The following ATG4B variants were observed in gnomAD, a reference collection of about 807,000 sequenced individuals.
ATG4B encodes cysteine protease ATG4B.
ATG4B carries 29 observed loss-of-function variants against 56.6 expected under a neutral mutation model. That is an observed-to-expected ratio of 0.51 (90% CI 0.38 to 0.70). The LOEUF (loss-of-function observed/expected upper bound fraction) is 0.70, where lower values mean the gene tolerates loss of function less well. Ranked by LOEUF, ATG4B falls within the 30% of genes least tolerant of loss-of-function variation. ATG4B has a pLI of 0.00. For synonymous variants in ATG4B, 224 were observed against 206.1 expected, an observed-to-expected ratio of 1.09 and a Z score of -0.74; for missense variants, 461 against 515.5, an observed-to-expected ratio of 0.89 and a Z score of 1.02.
chr2:241,654,168 A>G lies in ATG4B; in HGVS notation c.284-378A>G, dbSNP rs990154417. On this transcript the variant is annotated intron_variant, in intron 4 of 12. Transcript: ENST00000404914. ...CTGGGTGTGGTGGCTCACGCCTGTA[A>G]TCCCAGCACTTTGGGATGCCGAGGC... Among the ~76,000 whole-genome samples, 4 of 152,108 alleles carry G rather than the reference A, an allele frequency of 2.6e-5. No individual in the cohort carries two copies. The South Asian group carries it at 6.2e-4, about 24-fold the overall frequency.
chr2:241,647,574 C>T (rs1169217173), intron 1 of ATG4B, among the ~76,000 whole-genome samples: 1 of 141,536 alleles, frequency 7.1e-6, no homozygotes, highest in South Asian at 2.2e-4. Flanking sequence ...GAGCCGAGAT[C>T]GCGCTACTGC....
At chr2:241,643,542 C>G (rs1231941701) in intron 1 of ATG4B, among the ~76,000 whole-genome samples, 1 of 149,686 alleles carries the variant, frequency 6.7e-6, no homozygotes, top group Non-Finnish European at 1.5e-5. Flanking sequence ...ATATCATTAC[C>G]TGGAAGTCTA....
Position 241,673,344 on chromosome 2 carries a change from C to T in ATG4B, c.*1080C>T, listed in dbSNP as rs2069044110. On this transcript the variant is annotated 3_prime_UTR_variant, in exon 13 of 13. Transcript: ENST00000404914. ...TCCCAGAGTGCACTCTGCCCCGCTG[C>T]TCTGCTGCCTGTCCTGGGAAAGTAT... The T allele has an allele frequency of 8.4e-6, 3 of 357,916 alleles. No homozygotes were observed. The highest frequency in any genetic ancestry group is 7.4e-5 in the East Asian group (1 of 13,590). The allele number at this position is 357,916 out of a possible 1,614,324, so 22.2% of individuals were successfully genotyped here.
At chr2:241,666,883 C>T in intron 8 of ATG4B, 45 bp downstream of exon 8, 2 of 1,522,936 alleles carry the variant, frequency 1.3e-6, no homozygotes, top group Non-Finnish European at 1.8e-6. Context: ...CCGTCCCCTT[C>T]TCCCAGTTCT....
chr2:241,654,114 A>G (rs913245669), intron 4 of ATG4B, among the ~76,000 whole-genome samples: 4 of 152,032 alleles, frequency 2.6e-5, no homozygotes, highest in South Asian at 4.1e-4. Flanking sequence ...CCTGGAGAAC[A>G]TGGGTTTTTA....
chr2:241,649,784 C>CTT (rs111624909), intron 1 of ATG4B, among the ~76,000 whole-genome samples: 394 of 137,486 alleles, frequency 2.9e-3, no homozygotes, highest in African/African-American at 8.4e-3. Flanking sequence ...TTTTCTTTTT[C>CTT]TTTTTTTTTT....
In ATG4B at chr2:241,668,701, C is replaced by G. The variant is rs971526131; in HGVS notation, c.957+16C>G. 7 of 1,562,012 alleles carry G rather than the reference C, an allele frequency of 4.5e-6. No homozygotes were observed. In the Admixed American group the frequency reaches 1.3e-4, roughly 30 times the overall value. ...CATCGCTGTGGTACGTGGCGGCCAC[C>G]TGAGCACACAGGCATTTGGTGCTGA... On this transcript the variant is annotated intron_variant, in intron 10 of 12. Coordinates refer to ENST00000404914, the MANE Select transcript of ATG4B (RefSeq NM_013325.5). This position sits in a 1 kb window ranked among gnomAD's most constrained non-coding sequence, Gnocchi z 4.2.
intron 7 of ATG4B, among the ~76,000 whole-genome samples, chr2:241,664,792 C>T (rs561109524): frequency 3.3e-5 from 5 of 152,062 alleles, no homozygotes; most frequent in African/African-American, 4.8e-5. Flanking sequence ...GGCAAAACCC[C>T]GTCTCTACTA....
chr2:241,669,123 C>T (rs543360661), intron 10 of ATG4B, among the ~76,000 whole-genome samples: 8 of 152,090 alleles, frequency 5.3e-5, no homozygotes, highest in East Asian at 1.9e-4. Context: ...TTTTGTTTTC[C>T]GGAGGCTCTG....
At chr2:241,644,314 GCTTGGGTGACAGAGCCAGACC>G (rs1335671519) in intron 1 of ATG4B, among the ~76,000 whole-genome samples, 3 of 152,144 alleles carry the variant, frequency 2.0e-5, no homozygotes, top group Non-Finnish European at 2.9e-5. Flanking sequence ...CTGCACTCCA[GCTTGGGTGACAGAGCCAGACC>G]CTTGGGTGAC....
rs1011177034 is a variant in ATG4B at position 241,651,599 on chromosome 2, C to A, written c.184+264C>A. Among the ~76,000 whole-genome samples the A allele has an allele frequency of 6.6e-6, 1 of 152,184 alleles. No individual in the cohort carries two copies. Among genetic ancestry groups the A allele is most frequent in the Non-Finnish European group, 1.5e-5 (1 of 68,042 alleles). On this transcript the variant is annotated intron_variant, in intron 3 of 12. Transcript: ENST00000404914. The surrounding 1 kb of genome is among the most constrained non-coding windows in gnomAD (Gnocchi z 4.1). Reference sequence around the variant, plus strand: ...AATCAGTATCATGAGTTATGACCAACGTTGTTTTAAATGTAGGACAGAATG... The same window carrying A: ...AATCAGTATCATGAGTTATGACCAAAGTTGTTTTAAATGTAGGACAGAATG...
rs11538897 is a variant in ATG4B at position 241,666,745 on chromosome 2, C to T, written c.639C>T (p.Thr213=). 6.2e-7 allele frequency: 1 copy of T among 1,609,130 alleles called. No homozygotes were observed. Among genetic ancestry groups the T allele is most frequent in the Non-Finnish European group, 8.5e-7 (1 of 1,177,802 alleles). The change falls in exon 8 of 13, where the codon ACC becomes ACT. Residue 213 remains threonine (T), a synonymous_variant. Transcript: ENST00000404914. The part of the protein sequence containing the change: ...CNGFPAGAEV[T]NRPSPWRPLV... ...GATTCCCTGCCGGAGCTGAGGTCAC[C>T]AACAGGCCGTCGCCATGGAGACCCC...
intron 1 of ATG4B, among the ~76,000 whole-genome samples, chr2:241,649,858 A>G (rs1323876397): frequency 7.0e-5 from 10 of 142,324 alleles, no homozygotes; most frequent in African/African-American, 2.6e-4. Flanking sequence ...ATCTCAGCTC[A>G]CTGCAACCTC....
intron 1 of ATG4B, among the ~76,000 whole-genome samples, chr2:241,648,514 G>A (rs1179508065): frequency 6.6e-6 from 1 of 151,594 alleles, no homozygotes; most frequent in African/African-American, 2.4e-5. Context: ...AGAATTGATT[G>A]AGCCTGGGAG....
At position 241,672,082 on chromosome 2, in the gene ATG4B, G is replaced by T; in HGVS notation, c.1109-109G>T. On this transcript the variant is annotated intron_variant, in intron 12 of 12. Coordinates refer to ENST00000404914, the MANE Select transcript of ATG4B (RefSeq NM_013325.5). ...CACACCCGCATGGGGACAGCTGTCT[G>T]TGGGCTGCAGAGCAGGCACTGCTCA... 2.7e-6 allele frequency: 4 copies of T among 1,499,594 alleles called. No homozygotes were observed. In the Admixed American group the frequency reaches 6.6e-5, roughly 25 times the overall value. 92.9% of individuals were successfully genotyped at this position (1,499,594 alleles called of 1,614,324 possible).
At chr2:241,640,310 C>T (rs1175925644) in intron 1 of ATG4B, among the ~76,000 whole-genome samples, 1 of 152,164 alleles carries the variant, frequency 6.6e-6, no homozygotes, top group African/African-American at 2.4e-5. Context: ...CTGATAAAAA[C>T]GTATATGATG....
Position 241,673,466 on chromosome 2 carries a change from T to TG in ATG4B, c.*1203dup, listed in dbSNP as rs1199071169. 4.9e-6 allele frequency: 2 copies of TG among 411,878 alleles called. No homozygotes were observed. The highest frequency in any genetic ancestry group is 9.9e-6 in the Non-Finnish European group (2 of 201,060). The allele number at this position is 411,878 out of a possible 1,614,324, so 25.5% of individuals were successfully genotyped here. On this transcript the variant is annotated 3_prime_UTR_variant, in exon 13 of 13. Transcript: ENST00000404914. Reference sequence around the variant, plus strand: ...CGGCGTTGGCAGGACTCGCTGCTGCTGCTGCTGCTTGTGTAGGTCGGGGAG... The same window carrying TG: ...CGGCGTTGGCAGGACTCGCTGCTGCTGGCTGCTGCTTGTGTAGGTCGGGGAG...
chr2:241,647,622 CA>C (rs35875880), intron 1 of ATG4B, among the ~76,000 whole-genome samples: 19,215 of 116,006 alleles, frequency 0.17, 803 homozygotes, highest in Middle Eastern at 0.29. Flanking sequence ...GACTCCGTCT[CA>C]AAAAAAAAAA....
At chr2:241,653,104 C>T (rs2068270894) in intron 3 of ATG4B, among the ~76,000 whole-genome samples, 2 of 152,262 alleles carry the variant, frequency 1.3e-5, no homozygotes, top group Non-Finnish European at 2.9e-5. Context: ...TGAGTTGCTG[C>T]CCTTGCGGCC....
Sources: gnomAD v4.1 joint callset for allele counts (sites outside exome capture counted in the v4.1 genomes callset) on GRCh38, gnomAD v4.1.1 for gene constraint, Gnocchi (gnomAD v3.1) non-coding constraint, MANE v1.5 for transcripts, NCBI Gene and HGNC (gene_info 2026-07-23, HGNC 2026-07-21) for gene names.